Variants in PLEKHG3 observed in about 807,000 individuals in gnomAD.
The protein encoded by PLEKHG3 is pleckstrin homology domain-containing family G member 3.
In PLEKHG3, 62 loss-of-function variants were observed where a neutral mutation model predicts 94.9. The ratio of observed to expected loss-of-function variants is 0.65; its 90% CI spans 0.53 to 0.81. The LOEUF (loss-of-function observed/expected upper bound fraction) is 0.81. Among genes scored for constraint, PLEKHG3 ranks in the 30% least tolerant of loss-of-function variants. The pLI is 0.00. For synonymous variants in PLEKHG3, 614 were observed against 654.0 expected, an observed-to-expected ratio of 0.94 and a Z score of 0.93; for missense variants, 1,461 against 1,619.3, an observed-to-expected ratio of 0.90 and a Z score of 1.68.
chr14:64,710,816 T>C (rs1428978888), intron 1 of PLEKHG3, among the ~76,000 whole-genome samples: 1 of 127,156 alleles, frequency 7.9e-6, no homozygotes, highest in African/African-American at 2.7e-5. Context: ...GCCGGGGATC[T>C]TTTTTTTTTT....
At position 64,732,302 on chromosome 14, in the gene PLEKHG3, C is replaced by G. The variant is rs1272105884; in HGVS notation, c.1212+121C>G. 1 of 1,214,138 alleles carries G rather than the reference C, an allele frequency of 8.2e-7. No individual in the cohort carries two copies. The highest frequency in any genetic ancestry group is 1.5e-5 in the African/African-American group (1 of 67,172). 75.2% of individuals were successfully genotyped at this position (1,214,138 alleles called of 1,614,324 possible). A position where few individuals can be genotyped will look rare whatever the true frequency, so the allele number is the denominator to read the frequency against. On this transcript the variant is annotated intron_variant, in intron 10 of 16. Transcript: ENST00000247226. This position sits in a 1 kb window ranked among gnomAD's most constrained non-coding sequence, Gnocchi z 4.9. ...CTCCAGTGGACAGTGAGTGTCAGTACAGCAGATGCCCCGGGCCTTGGTGCA... is the reference window on the plus strand; with the variant it reads ...CTCCAGTGGACAGTGAGTGTCAGTAGAGCAGATGCCCCGGGCCTTGGTGCA...
chr14:64,730,726 G>T lies in PLEKHG3; in HGVS notation c.566+38G>T. 1 of 1,612,228 alleles carries T rather than the reference G, an allele frequency of 6.2e-7. No individual in the cohort carries two copies. Among genetic ancestry groups the T allele is most frequent in the Non-Finnish European group, 8.5e-7 (1 of 1,178,280 alleles). ...GGTGAGAGGGAAGGCAGAGCCATTT[G>T]GTGAGTCCAGAGCCCCCCACTTCCT... On this transcript the variant is annotated intron_variant, in intron 5 of 16. Transcript: ENST00000247226. This position sits in a 1 kb window ranked among gnomAD's most constrained non-coding sequence, Gnocchi z 5.4.
In PLEKHG3 at chr14:64,743,083, C is replaced by T. The variant is rs147484159; in HGVS notation, c.3040C>T (p.Arg1014Cys). 48 of 1,613,190 alleles carry T rather than the reference C, an allele frequency of 3.0e-5. 1 individual carries two copies. In the East Asian group the frequency reaches 3.3e-4, roughly 11 times the overall value. Residue 1014 changes from arginine (R) to cysteine (C), a missense_variant, in exon 17 of 17, where the codon CGT (arginine) becomes TGT (cysteine). By Grantham distance (180) the Arg-to-Cys change is radical. This residue lies in a region of PLEKHG3 where 1,201 missense variants were observed against 1,295.5 expected (regional missense o/e 0.93). Transcript: ENST00000247226. This position sits in a 1 kb window ranked among gnomAD's most constrained non-coding sequence, Gnocchi z 7.2. ...PSSAGEMSPQ[R>C]FFFNPSAVSQ... ...CTCGGCTGGGGAGATGTCACCACAGCGTTTCTTCTTCAACCCGTCTGCTGT... is the reference window on the plus strand; with the variant it reads ...CTCGGCTGGGGAGATGTCACCACAGTGTTTCTTCTTCAACCCGTCTGCTGT...
Position 64,732,559 on chromosome 14 carries a change from A to G in PLEKHG3, c.1246+99A>G. On this transcript the variant is annotated intron_variant, in intron 11 of 16. Transcript: ENST00000247226. The surrounding 1 kb of genome is among the most constrained non-coding windows in gnomAD (Gnocchi z 4.9). ...CTTTACCTGATAATTTTATTCCAGG[A>G]GCAGGGAGGGCGGGGGTCTCCTGTT... 1 of 1,033,482 alleles carries G rather than the reference A, an allele frequency of 9.7e-7. No homozygotes were observed. Among genetic ancestry groups the G allele is most frequent in the Non-Finnish European group, 1.5e-6 (1 of 654,300 alleles). The allele number at this position is 1,033,482 out of a possible 1,614,324, so 64.0% of individuals were successfully genotyped here.
rs2081799587 is a variant in PLEKHG3 at position 64,744,772 on chromosome 14, T to A, written c.*1069T>A. 1.4e-5 allele frequency: 1 copy of A among 70,356 alleles called. No individual in the cohort carries two copies. The allele number at this position is 70,356 out of a possible 1,614,324, so 4.4% of individuals were successfully genotyped here. On this transcript the variant is annotated 3_prime_UTR_variant, in exon 17 of 17. Transcript: ENST00000247226. ...CAGGAAACATCCTAGAAGACAAGGA[T>A]TTTTTTTTTTTTTTTTTTTGAGACA...
At position 64,738,401 on chromosome 14, in the gene PLEKHG3, TC is replaced by T. The variant is rs1212761898; in HGVS notation, c.1405-339del. Among the ~76,000 whole-genome samples, 5 of 152,128 alleles carry T rather than the reference TC, an allele frequency of 3.3e-5. No individual in the cohort carries two copies. The highest frequency in any genetic ancestry group is 7.4e-5 in the Non-Finnish European group (5 of 68,012). On this transcript the variant is annotated intron_variant, in intron 14 of 16. Coordinates refer to ENST00000247226, the MANE Select transcript of PLEKHG3 (RefSeq NM_001308147.2). This position sits in a 1 kb window ranked among gnomAD's most constrained non-coding sequence, Gnocchi z 4.8. ...CTGGTGAGCCCCTGGCATGCTCTGT[TC>T]CAGTACTGGGCACTAATCAATATAA...
At position 64,731,881 on chromosome 14, in the gene PLEKHG3, C is replaced by T. The variant is rs2081474645; in HGVS notation, c.1125+75C>T. 2 of 1,091,602 alleles carry T rather than the reference C, an allele frequency of 1.8e-6. No individual in the cohort carries two copies. Among genetic ancestry groups the T allele is most frequent in the African/African-American group, 1.5e-5 (1 of 64,652 alleles). The allele number at this position is 1,091,602 out of a possible 1,614,324, so 67.6% of individuals were successfully genotyped here. ...CACCTGCGTGGGACTCCTGGCTCCT[C>T]TGCTCACCTAGCTGCCCCAAGCCCC... On this transcript the variant is annotated intron_variant, in intron 9 of 16. Coordinates refer to ENST00000247226, the MANE Select transcript of PLEKHG3 (RefSeq NM_001308147.2). The surrounding 1 kb of genome is among the most constrained non-coding windows in gnomAD (Gnocchi z 6.1).
At chr14:64,710,808 CG>C in intron 1 of PLEKHG3, among the ~76,000 whole-genome samples, 1 of 150,172 alleles carries the variant, frequency 6.7e-6, no homozygotes, top group East Asian at 1.9e-4. Flanking sequence ...GCAGAAGTGC[CG>C]GGGATCTTTT....
In PLEKHG3 at chr14:64,749,597, G is replaced by C; in HGVS notation, c.*5894G>C. 1 of 1,610,864 alleles carries C rather than the reference G, an allele frequency of 6.2e-7. No individual in the cohort carries two copies. Among genetic ancestry groups the C allele is most frequent in the Non-Finnish European group, 8.5e-7 (1 of 1,179,510 alleles). ...AGGGGGCCTCCAGGGCAAGCGGCCT[G>C]GGGTCCTCCACCTACCCCCTTCTTA... On this transcript the variant is annotated 3_prime_UTR_variant, in exon 17 of 17. Transcript: ENST00000247226. This position sits in a 1 kb window ranked among gnomAD's most constrained non-coding sequence, Gnocchi z 4.7.
Position 64,737,135 on chromosome 14 carries a change from C to A in PLEKHG3, c.1385-221C>A, listed in dbSNP as rs2081586988. ...TCCGGAAACAATGAGAGCCGAGCAACAGGCACAGACCTGCGCTGCTCTGTG... is the reference window on the plus strand; with the variant it reads ...TCCGGAAACAATGAGAGCCGAGCAAAAGGCACAGACCTGCGCTGCTCTGTG... On this transcript the variant is annotated intron_variant, in intron 13 of 16. Coordinates refer to ENST00000247226, the MANE Select transcript of PLEKHG3 (RefSeq NM_001308147.2). 4 of 644,040 alleles carry A rather than the reference C, an allele frequency of 6.2e-6. No homozygotes were observed. In the East Asian group the frequency reaches 1.1e-4, roughly 18 times the overall value. The allele number at this position is 644,040 out of a possible 1,614,324, so 39.9% of individuals were successfully genotyped here. A position where few individuals can be genotyped will look rare whatever the true frequency, so the allele number is the denominator to read the frequency against.
chr14:64,734,180 C>T (rs1446667566), intron 12 of PLEKHG3, among the ~76,000 whole-genome samples: 1 of 152,162 alleles, frequency 6.6e-6, no homozygotes, highest in Non-Finnish European at 1.5e-5. Context: ...ATCTTGAGCC[C>T]TAGGCCACCT....
chr14:64,749,700 G>A lies in PLEKHG3; in HGVS notation c.*5997G>A. The A allele has an allele frequency of 1.2e-6, 2 of 1,613,702 alleles. No homozygotes were observed. Among genetic ancestry groups the A allele is most frequent in the Middle Eastern group, 1.7e-4 (1 of 6,060 alleles). On this transcript the variant is annotated 3_prime_UTR_variant, in exon 17 of 17. Coordinates refer to ENST00000247226, the MANE Select transcript of PLEKHG3 (RefSeq NM_001308147.2). This position sits in a 1 kb window ranked among gnomAD's most constrained non-coding sequence, Gnocchi z 4.7. ...CCACTCGCTGCCATTACTCAGCCTA[G>A]GAGGACAAAGGGTTTCCTGTCATGG...
chr14:64,733,164 CT>C (rs112116298), intron 12 of PLEKHG3, among the ~76,000 whole-genome samples: 205 of 135,336 alleles, frequency 1.5e-3, no homozygotes, highest in Middle Eastern at 3.8e-3. Flanking sequence ...TTTTCTTTTT[CT>C]TTTTTTTTTT....
At position 64,738,764 on chromosome 14, in the gene PLEKHG3, A is replaced by G. The variant is rs769787958; in HGVS notation, c.1427A>G (p.Glu476Gly). ...GMKGKGRRES[E>G]SSRSSRRPSG... ...CAGGGAAAGGGGCGCAGGGAGTCTG[A>G]AAGCTCCAGGAGCAGCAGAAGGCCC... The change falls in exon 15 of 17, where the codon GAA becomes GGA. Residue 476 changes from glutamate (E) to glycine (G), a missense_variant. Transcript: ENST00000247226. This position sits in a 1 kb window ranked among gnomAD's most constrained non-coding sequence, Gnocchi z 4.8. The G allele has an allele frequency of 1.3e-6, 2 of 1,594,342 alleles. No individual in the cohort carries two copies. Among genetic ancestry groups the G allele is most frequent in the South Asian group, 2.3e-5 (2 of 87,622 alleles).
At chr14:64,735,514 G>T (rs986006497) in intron 12 of PLEKHG3, among the ~76,000 whole-genome samples, 1 of 152,242 alleles carries the variant, frequency 6.6e-6, no homozygotes, top group East Asian at 1.9e-4. Context: ...GGAGGCTGAG[G>T]TGGGAGGATC....
In PLEKHG3 at chr14:64,714,671, C is replaced by T. The variant is rs190845368; in HGVS notation, c.-40+9967C>T. On this transcript the variant is annotated intron_variant, in intron 1 of 16. Transcript: ENST00000247226. ...TTTTCACACAGGAAGTCATCCCAGC[C>T]ATGATTCTGAAGCTTTCTTCTGGGC... 1.2e-3 allele frequency among the ~76,000 whole-genome samples: 185 copies of T among 152,306 alleles called. 1 individual carries two copies. The highest frequency in any genetic ancestry group is 3.9e-3 in the African/African-American group (163 of 41,562).
Position 64,732,153 on chromosome 14 carries a change from A to G in PLEKHG3, c.1184A>G (p.Glu395Gly). The G allele has an allele frequency of 6.2e-7, 1 of 1,614,020 alleles. No individual in the cohort carries two copies. Among genetic ancestry groups the G allele is most frequent in the Non-Finnish European group, 8.5e-7 (1 of 1,179,936 alleles). Residue 395 changes from glutamate (E) to glycine (G), a missense_variant, in exon 10 of 17, where the codon GAG becomes GGG. Glu to Gly is a moderately conservative substitution (Grantham distance 98). This residue lies in a region of PLEKHG3 where 1,201 missense variants were observed against 1,295.5 expected (regional missense o/e 0.93). Coordinates refer to ENST00000247226, the MANE Select transcript of PLEKHG3 (RefSeq NM_001308147.2). The surrounding 1 kb of genome is among the most constrained non-coding windows in gnomAD (Gnocchi z 4.9). ...CACCACATCAAGAGGCTCATCCTAG[A>G]GAACCACCATGCCACCATTCCCCAG... ...WTHHIKRLIL[E>G]NHHATIPQKA...
chr14:64,727,935 G>T lies in PLEKHG3; in HGVS notation c.304G>T (p.Val102Leu), dbSNP rs147361288. 23 of 1,606,564 alleles carry T rather than the reference G, an allele frequency of 1.4e-5. No homozygotes were observed. Among genetic ancestry groups the T allele is most frequent in the Admixed American group, 5.0e-5 (3 of 59,786 alleles). The change falls in exon 2 of 17, where the codon GTG becomes TTG. Residue 102 changes from valine (V) to leucine (L), a missense_variant. By Grantham distance (32) the Val-to-Leu change is conservative. Coordinates refer to ENST00000247226, the MANE Select transcript of PLEKHG3 (RefSeq NM_001308147.2). This position sits in a 1 kb window ranked among gnomAD's most constrained non-coding sequence, Gnocchi z 6.0. ...SYLGRVVREI[V>L]ETERMYVQDL... ...CCTGGGCCGAGTGGTGCGGGAGATC[G>T]TGGAGACAGAGCGCATGTACGTACA...
rs1297758290 is a variant in PLEKHG3 at position 64,730,757 on chromosome 14, A to C, written c.567-42A>C. 4 of 1,612,642 alleles carry C rather than the reference A, an allele frequency of 2.5e-6. No individual in the cohort carries two copies. Among genetic ancestry groups the C allele is most frequent in the African/African-American group, 1.3e-5 (1 of 75,030 alleles). On this transcript the variant is annotated intron_variant, in intron 5 of 16. Coordinates refer to ENST00000247226, the MANE Select transcript of PLEKHG3 (RefSeq NM_001308147.2). This position sits in a 1 kb window ranked among gnomAD's most constrained non-coding sequence, Gnocchi z 5.4. ...TCCAGAGCCCCCCACTTCCTCATCCAGGCCTTCCCCAGGTGGTGACTGGCC... is the reference window on the plus strand; with the variant it reads ...TCCAGAGCCCCCCACTTCCTCATCCCGGCCTTCCCCAGGTGGTGACTGGCC...
Sources: gnomAD v4.1 joint callset for allele counts (sites outside exome capture counted in the v4.1 genomes callset) on GRCh38, gnomAD v4.1.1 for gene constraint, gnomAD v4.1.1 regional missense constraint, Gnocchi (gnomAD v3.1) non-coding constraint, MANE v1.5 for transcripts, NCBI Gene and HGNC (gene_info 2026-07-23, HGNC 2026-07-21) for gene names.